The following RORB variants were observed in gnomAD, a reference collection of about 807,000 sequenced individuals.
RORB encodes the protein RAR related orphan receptor B, also known as nuclear receptor ROR-beta.
RORB carries 6 observed loss-of-function variants against 59.1 expected under a neutral mutation model. The ratio of observed to expected loss-of-function variants is 0.10; its 90% CI spans 0.06 to 0.20. The LOEUF is 0.20. Ranked by LOEUF, RORB falls within the 10% of genes least tolerant of loss-of-function variation. The probability of loss-of-function intolerance (pLI) is 1.00; values close to 1 mark genes in which losing one functional copy is unlikely to be tolerated. For synonymous variants in RORB, 215 were observed against 204.5 expected (o/e 1.05, Z -0.44); for missense variants, 320 against 560.5 (o/e 0.57, Z 4.33).
At chr9:74,542,484 GC>G (rs1371286125) in intron 1 of RORB, among the ~76,000 whole-genome samples, 5 of 152,108 alleles carry the variant, frequency 3.3e-5, no homozygotes, top group East Asian at 1.9e-4. Flanking sequence ...GCACAGAAAG[GC>G]AAGGAGCTAG....
chr9:74,577,192 T>C (rs1376926361), intron 1 of RORB, among the ~76,000 whole-genome samples: 2 of 152,136 alleles, frequency 1.3e-5, no homozygotes, highest in Admixed American at 1.3e-4. Context: ...TTTCTCTCTA[T>C]GTTCATCAGT....
At chr9:74,608,625 T>C (rs1177287244) in intron 1 of RORB, among the ~76,000 whole-genome samples, 3 of 152,064 alleles carry the variant, frequency 2.0e-5, no homozygotes. Flanking sequence ...GTGTTATCTG[T>C]ATAACTTTCC....
chr9:74,549,441 CAA>C (rs564673844), intron 1 of RORB, among the ~76,000 whole-genome samples: 2 of 92,436 alleles, frequency 2.2e-5, no homozygotes, highest in Non-Finnish European at 4.3e-5. Flanking sequence ...AAAATTCCGT[CAA>C]AAAAAAAAAA....
chr9:74,604,484 G>A (rs1823119621), intron 1 of RORB, among the ~76,000 whole-genome samples: 1 of 152,150 alleles, frequency 6.6e-6, no homozygotes, highest in Non-Finnish European at 1.5e-5. Flanking sequence ...TTCTATGACT[G>A]TTTTTATCAC....
intron 1 of RORB, among the ~76,000 whole-genome samples, chr9:74,588,739 G>A (rs1422806628): frequency 6.6e-6 from 1 of 152,164 alleles, no homozygotes; most frequent in African/African-American, 2.4e-5. Flanking sequence ...GAGCTTTTAA[G>A]CTATCAATGG....
chr9:74,669,201 T>C (rs975394894), intron 8 of RORB, among the ~76,000 whole-genome samples: 4 of 152,196 alleles, frequency 2.6e-5, no homozygotes, highest in African/African-American at 9.6e-5. Context: ...ATACTAGGCC[T>C]GGCATGGTGG....
chr9:74,539,683 T>A (rs915879350), intron 1 of RORB, among the ~76,000 whole-genome samples: 2 of 152,056 alleles, frequency 1.3e-5, no homozygotes, highest in African/African-American at 4.8e-5. Context: ...ATAAATGCTA[T>A]GAAGACAAAT....
intron 1 of RORB, among the ~76,000 whole-genome samples, chr9:74,547,958 C>A (rs1161081258): frequency 6.6e-6 from 1 of 152,132 alleles, no homozygotes; most frequent in Non-Finnish European, 1.5e-5. Context: ...ATAATCCAGG[C>A]TAGAAATTAG....
intron 1 of RORB, among the ~76,000 whole-genome samples, chr9:74,610,105 AG>A (rs1464993709): frequency 6.6e-6 from 1 of 152,244 alleles, no homozygotes; most frequent in African/African-American, 2.4e-5. Flanking sequence ...ATTAATTCTC[AG>A]CTGCTTTTAA....
At chr9:74,620,670 C>A in intron 1 of RORB, among the ~76,000 whole-genome samples, 1 of 152,280 alleles carries the variant, frequency 6.6e-6, no homozygotes. Context: ...CCTGCTTTCT[C>A]TTGTGGGCAT....
intron 1 of RORB, among the ~76,000 whole-genome samples, chr9:74,587,308 T>G (rs1822817418): frequency 6.6e-6 from 1 of 152,202 alleles, no homozygotes; most frequent in South Asian, 2.1e-4. Flanking sequence ...TACTGTTATA[T>G]GCAAACTTCT....
chr9:74,582,750 A>G (rs1339871436), intron 1 of RORB, among the ~76,000 whole-genome samples: 1 of 152,114 alleles, frequency 6.6e-6, no homozygotes, highest in Admixed American at 6.5e-5. Context: ...TCTTGTGCCC[A>G]TCTCCCTTCA....
At chr9:74,545,457 T>C (rs1826473450) in intron 1 of RORB, among the ~76,000 whole-genome samples, 1 of 152,314 alleles carries the variant, frequency 6.6e-6, no homozygotes, top group African/African-American at 2.4e-5. Context: ...CATTGCTAAC[T>C]CATTCTCTGT....
chr9:74,545,817 T>C (rs1826477290), intron 1 of RORB, among the ~76,000 whole-genome samples: 1 of 152,044 alleles, frequency 6.6e-6, no homozygotes, highest in Non-Finnish European at 1.5e-5. Flanking sequence ...GTTTTTTTTT[T>C]CAGGGGACAT....
At chr9:74,539,821 T>TAAGTTTTC (rs1826376544) in intron 1 of RORB, among the ~76,000 whole-genome samples, 1 of 147,642 alleles carries the variant, frequency 6.8e-6, no homozygotes, top group Admixed American at 6.8e-5. Flanking sequence ...CAGAAAACCT[T>TAAGTTTTC]AAGTTTCGTT....
intron 1 of RORB, among the ~76,000 whole-genome samples, chr9:74,531,951 A>C (rs1826248419): frequency 6.6e-6 from 1 of 151,928 alleles, no homozygotes; most frequent in Non-Finnish European, 1.5e-5. Context: ...AAAATTTTTC[A>C]TCAGAATTAA....
chr9:74,617,634 A>G (rs1823334805), intron 1 of RORB, among the ~76,000 whole-genome samples: 1 of 152,156 alleles, frequency 6.6e-6, no homozygotes. Context: ...CTATTCACTA[A>G]TTCTACATTT....
chr9:74,511,844 T>C (rs1166012393), intron 1 of RORB, among the ~76,000 whole-genome samples: 1 of 151,228 alleles, frequency 6.6e-6, no homozygotes, highest in African/African-American at 2.4e-5. Flanking sequence ...GGATCTATTA[T>C]GCACCAGACA....
chr9:74,684,309 G>C (rs577630142), intron 9 of RORB, among the ~76,000 whole-genome samples: 4 of 152,284 alleles, frequency 2.6e-5, no homozygotes, highest in Middle Eastern at 6.8e-3. Context: ...TTATTGAATA[G>C]GGTAGGGAAC....
Sources: gnomAD v4.1 joint callset for allele counts (sites outside exome capture counted in the v4.1 genomes callset) on GRCh38, gnomAD v4.1.1 for gene constraint, MANE v1.5 for transcripts, NCBI Gene and HGNC (gene_info 2026-07-23, HGNC 2026-07-21) for gene names.